RABGAP1L: variants seen among roughly 807,000 people sequenced by gnomAD.
RABGAP1L encodes rab GTPase-activating protein 1-like.
In RABGAP1L, 63 loss-of-function variants were observed where a neutral mutation model predicts 137.7. That is an observed-to-expected ratio of 0.46 (90% CI 0.37 to 0.56). The LOEUF (loss-of-function observed/expected upper bound fraction) is 0.56. Ranked by LOEUF, RABGAP1L falls within the 20% of genes least tolerant of loss-of-function variation. The pLI, the probability that RABGAP1L is intolerant of heterozygous loss-of-function variation, is 0.00. For synonymous variants in RABGAP1L, 431 were observed against 433.7 expected (o/e 0.99, Z 0.08); for missense variants, 1,095 against 1,244.0 (o/e 0.88, Z 1.80).
chr1:174,565,378 AG>A (rs1340147868), intron 13 of RABGAP1L, among the ~76,000 whole-genome samples: 1 of 152,148 alleles, frequency 6.6e-6, no homozygotes, highest in Non-Finnish European at 1.5e-5. Context: ...TTCCTAATAG[AG>A]GGGTTTTGCT....
At chr1:174,311,565 A>G (rs1678854025) in intron 11 of RABGAP1L, among the ~76,000 whole-genome samples, 1 of 152,164 alleles carries the variant, frequency 6.6e-6, no homozygotes, top group East Asian at 1.9e-4. Context: ...ACTTAACATA[A>G]TGATCTCCAG....
chr1:174,821,244 G>A (rs1558115322), intron 19 of RABGAP1L, among the ~76,000 whole-genome samples: 1 of 152,104 alleles, frequency 6.6e-6, no homozygotes. Flanking sequence ...GCAGGTAGCG[G>A]GAATGAGGGA....
At chr1:174,386,076 A>C (rs1394566986) in intron 12 of RABGAP1L, among the ~76,000 whole-genome samples, 1 of 152,208 alleles carries the variant, frequency 6.6e-6, no homozygotes, top group East Asian at 1.9e-4. Flanking sequence ...AATAGGCAAG[A>C]AAAGATGTAT....
chr1:174,930,758 A>G (rs1405264962), intron 19 of RABGAP1L, among the ~76,000 whole-genome samples: 1 of 152,172 alleles, frequency 6.6e-6, no homozygotes, highest in Non-Finnish European at 1.5e-5. Context: ...TTTTTTTGCA[A>G]GAGTATTAGG....
intron 19 of RABGAP1L, among the ~76,000 whole-genome samples, chr1:174,940,982 G>A (rs547161185): frequency 5.3e-5 from 8 of 152,112 alleles, no homozygotes; most frequent in African/African-American, 1.9e-4. Context: ...TATTCCTTCC[G>A]GCCTGCTCTG....
intron 13 of RABGAP1L, among the ~76,000 whole-genome samples, chr1:174,556,625 G>T (rs74845163): frequency 0.015 from 2,353 of 152,304 alleles, 42 homozygotes; most frequent in African/African-American, 0.054. Context: ...AGGTTACACA[G>T]TTGAAATAAT....
chr1:174,812,674 A>G (rs1689989395), intron 19 of RABGAP1L, among the ~76,000 whole-genome samples: 1 of 152,214 alleles, frequency 6.6e-6, no homozygotes, highest in South Asian at 2.1e-4. Context: ...GAAACAGACA[A>G]TAAGCAACAT....
intron 13 of RABGAP1L, among the ~76,000 whole-genome samples, chr1:174,430,356 T>TG (rs1652484167): frequency 6.9e-6 from 1 of 145,670 alleles, no homozygotes; most frequent in African/African-American, 2.6e-5. Context: ...AGACTCTGTC[T>TG]GAAAAAAAAA....
At chr1:174,347,586 G>A (rs898243740) in intron 11 of RABGAP1L, among the ~76,000 whole-genome samples, 13 of 151,714 alleles carry the variant, frequency 8.6e-5, no homozygotes, top group African/African-American at 1.9e-4. Flanking sequence ...TCCACCTGCC[G>A]GGTTCACACC....
At chr1:174,538,313 T>C (rs1665056760) in intron 13 of RABGAP1L, among the ~76,000 whole-genome samples, 1 of 152,212 alleles carries the variant, frequency 6.6e-6, no homozygotes. Context: ...GTAAATCTCT[T>C]CTAAATTTTA....
At chr1:174,171,847 A>G (rs753090454) in intron 1 of RABGAP1L, among the ~76,000 whole-genome samples, 4 of 152,232 alleles carry the variant, frequency 2.6e-5, no homozygotes, top group Non-Finnish European at 4.4e-5. Context: ...CTAAAAATAC[A>G]AAAATTAGCC....
chr1:174,339,816 A>G (rs1429220022), intron 11 of RABGAP1L, among the ~76,000 whole-genome samples: 3 of 152,082 alleles, frequency 2.0e-5, no homozygotes, highest in African/African-American at 4.8e-5. Context: ...TATGTTGGCT[A>G]TGCTGATCTC....
At chr1:174,269,745 A>C (rs921178515) in intron 7 of RABGAP1L, among the ~76,000 whole-genome samples, 1 of 152,212 alleles carries the variant, frequency 6.6e-6, no homozygotes, top group Non-Finnish European at 1.5e-5. Context: ...TGTTGATATT[A>C]TGTACTTACA....
intron 11 of RABGAP1L, among the ~76,000 whole-genome samples, chr1:174,350,078 G>A: frequency 7.3e-6 from 1 of 137,758 alleles, no homozygotes; most frequent in African/African-American, 2.7e-5. Flanking sequence ...GCGGCTGGCT[G>A]GGCGGGGGGC....
chr1:174,521,635 G>C (rs1663404012), intron 13 of RABGAP1L, among the ~76,000 whole-genome samples: 1 of 152,200 alleles, frequency 6.6e-6, no homozygotes, highest in South Asian at 2.1e-4. Context: ...AAATTTGGAA[G>C]CTGGAAGGCA....
intron 17 of RABGAP1L, among the ~76,000 whole-genome samples, chr1:174,714,517 A>G (rs1450127536): frequency 1.3e-5 from 2 of 152,216 alleles, no homozygotes; most frequent in African/African-American, 2.4e-5. Context: ...GGACATAATT[A>G]TTTTTATCAT....
At chr1:174,628,134 T>C (rs1673057466) in intron 13 of RABGAP1L, among the ~76,000 whole-genome samples, 1 of 152,180 alleles carries the variant, frequency 6.6e-6, no homozygotes, top group Non-Finnish European at 1.5e-5. Flanking sequence ...CCAGAGTGTG[T>C]ATTAGTTGAT....
intron 13 of RABGAP1L, among the ~76,000 whole-genome samples, chr1:174,586,527 A>G (rs1466037662): frequency 1.3e-5 from 2 of 152,168 alleles, no homozygotes; most frequent in Non-Finnish European, 2.9e-5. Flanking sequence ...CATCCTGCAC[A>G]TGTACCCCAG....
intron 13 of RABGAP1L, among the ~76,000 whole-genome samples, chr1:174,600,003 T>G (rs764286981): frequency 2.0e-5 from 3 of 152,046 alleles, no homozygotes; most frequent in Non-Finnish European, 4.4e-5. Flanking sequence ...TACCCAAGAC[T>G]GGGAAGAAAA....
Sources: gnomAD v4.1 joint callset for allele counts (sites outside exome capture counted in the v4.1 genomes callset) on GRCh38, gnomAD v4.1.1 for gene constraint, MANE v1.5 for transcripts, NCBI Gene and HGNC (gene_info 2026-07-23, HGNC 2026-07-21) for gene names.